Variants in STS observed in about 807,000 individuals in gnomAD.
STS encodes steryl-sulfatase.
Under a neutral mutation model 26.8 loss-of-function variants are expected in STS, and 7 were observed. That is an observed-to-expected ratio of 0.26 (90% confidence interval 0.15 to 0.49). The LOEUF (loss-of-function observed/expected upper bound fraction) is 0.49. Among genes scored for constraint, STS ranks in the 20% least tolerant of loss-of-function variants. The pLI, the probability that STS is intolerant of heterozygous loss-of-function variation, is 0.98. For missense variants in STS, 434 were observed against 465.6 expected, an observed-to-expected ratio of 0.93 and a Z score of 0.63; for synonymous variants, 199 against 189.4, an observed-to-expected ratio of 1.05 and a Z score of -0.42.
chrX:7,335,426 A>G (rs1321043591), intron 10 of STS, among the ~76,000 whole-genome samples: 9 of 111,976 alleles, frequency 8.0e-5, no homozygotes, highest in Admixed American at 4.7e-4. Context: ...GTGTCTGTTC[A>G]TGTCCTTTGC....
chrX:7,264,661 C>G (rs770190018), intron 6 of STS, among the ~76,000 whole-genome samples: 4 of 112,217 alleles, frequency 3.6e-5, no homozygotes, highest in Non-Finnish European at 7.5e-5. Flanking sequence ...AAGATGAACT[C>G]TAGGGACTGT....
chrX:7,341,186 T>C (rs1234314730), intron 10 of STS, among the ~76,000 whole-genome samples: 1 of 111,959 alleles, frequency 8.9e-6, no homozygotes, highest in African/African-American at 3.2e-5. Context: ...CACCATTTGC[T>C]TTTGAGTCTG....
At chrX:7,289,157 C>T (rs1382486065) in intron 7 of STS, among the ~76,000 whole-genome samples, 2 of 111,358 alleles carry the variant, frequency 1.8e-5, no homozygotes, top group Non-Finnish European at 3.8e-5. Context: ...CTGGGAGCTG[C>T]TGATGGCTTC....
intron 1 of STS, among the ~76,000 whole-genome samples, chrX:7,188,769 A>G: frequency 9.0e-6 from 1 of 111,630 alleles, no homozygotes; most frequent in East Asian, 2.8e-4. Flanking sequence ...AAAAAAGGAA[A>G]ATAATGACCT....
At chrX:7,197,145 G>C (rs1675806709) in intron 2 of STS, among the ~76,000 whole-genome samples, 1 of 111,668 alleles carries the variant, frequency 9.0e-6, no homozygotes, top group Admixed American at 9.5e-5. Context: ...CTTCCAGTAG[G>C]CTTCCTTCCT....
chrX:7,324,422 A>G (rs942521010), intron 8 of STS, among the ~76,000 whole-genome samples: 1 of 111,629 alleles, frequency 9.0e-6, no homozygotes, highest in Non-Finnish European at 1.9e-5. Context: ...TCTCTCCCGG[A>G]TCAGGGAGAA....
intron 6 of STS, among the ~76,000 whole-genome samples, chrX:7,266,804 T>G (rs1924029752): frequency 8.9e-6 from 1 of 112,200 alleles, no homozygotes; most frequent in Admixed American, 9.5e-5. Context: ...CAGATCCAAC[T>G]TAGGTGCACA....
chrX:7,323,990 C>T (rs771434039), intron 8 of STS, among the ~76,000 whole-genome samples: 9 of 111,775 alleles, frequency 8.1e-5, no homozygotes, highest in Non-Finnish European at 1.5e-4. Flanking sequence ...CTCTGTAAAA[C>T]GTTTGAAGAG....
intron 1 of STS, among the ~76,000 whole-genome samples, chrX:7,162,234 C>G (rs1933258555): frequency 9.0e-6 from 1 of 111,584 alleles, no homozygotes; most frequent in Non-Finnish European, 1.9e-5. Context: ...TTCCCCAGTG[C>G]CCCAGGGACA....
At chrX:7,167,853 A>G (rs1168976028) in intron 1 of STS, among the ~76,000 whole-genome samples, 4 of 108,632 alleles carry the variant, frequency 3.7e-5, no homozygotes, top group African/African-American at 1.3e-4. Context: ...ATGCCTGGCT[A>G]ATTTTTTTTT....
intron 2 of STS, among the ~76,000 whole-genome samples, chrX:7,235,046 G>A (rs746221271): frequency 3.0e-4 from 33 of 111,674 alleles, no homozygotes; most frequent in African/African-American, 7.2e-4. Flanking sequence ...GTTTAGGACC[G>A]CTATGGGACA....
rs1475846701 is a variant in STS at position 7,291,557 on chromosome X, G to A, written c.944-13489G>A. Among the ~76,000 whole-genome samples the A allele has an allele frequency of 2.7e-5, 3 of 111,994 alleles. No individual in the cohort carries two copies. The East Asian group carries it at 8.4e-4, about 31-fold the overall frequency. On this transcript the variant is annotated intron_variant, in intron 7 of 10. Transcript: ENST00000674429. Reference sequence around the variant, plus strand: ...ACAGAACAAACCTCTGCTGTTTCTGGCGTTACCTTAGTGCCTGCCATACTT... The same window carrying A: ...ACAGAACAAACCTCTGCTGTTTCTGACGTTACCTTAGTGCCTGCCATACTT...
Position 7,257,371 on chromosome X carries a change from C to T in STS, c.259+8C>T. 4 of 1,210,062 alleles carry T rather than the reference C, an allele frequency of 3.3e-6. No individual in the cohort carries two copies. The highest frequency in any genetic ancestry group is 4.5e-6 in the Non-Finnish European group (4 of 893,846). ...GGTACCCTGTCCGATCAGGTAACCT[C>T]CTATCTGCATCGCAGGGGCTGTGGT... On this transcript the variant is annotated splice_region_variant and intron_variant, in intron 4 of 10. Transcript: ENST00000674429.
intron 1 of STS, among the ~76,000 whole-genome samples, chrX:7,186,544 T>G (rs923495548): frequency 9.0e-6 from 1 of 111,481 alleles, no homozygotes; most frequent in East Asian, 2.8e-4. Flanking sequence ...CAGTAAAGGG[T>G]TACAACCTCA....
chrX:7,195,998 T>C (rs1445790171), intron 2 of STS, among the ~76,000 whole-genome samples: 1 of 112,596 alleles, frequency 8.9e-6, no homozygotes, highest in East Asian at 2.8e-4. Flanking sequence ...TTTCTTTAGC[T>C]GAATTATTGC....
chrX:7,324,113 A>G (rs1391597196), intron 8 of STS, among the ~76,000 whole-genome samples: 1 of 110,053 alleles, frequency 9.1e-6, no homozygotes, highest in Non-Finnish European at 1.9e-5. Flanking sequence ...GCATTAGTCA[A>G]TATATGTAAG....
At chrX:7,197,182 G>A (rs754491686) in intron 2 of STS, among the ~76,000 whole-genome samples, 7 of 111,709 alleles carry the variant, frequency 6.3e-5, no homozygotes, top group Non-Finnish European at 1.1e-4. Flanking sequence ...TGACCACTCC[G>A]TGCTCCAGGC....
chrX:7,317,246 C>T (rs950113019), intron 8 of STS, among the ~76,000 whole-genome samples: 2 of 109,886 alleles, frequency 1.8e-5, no homozygotes, highest in Non-Finnish European at 3.8e-5. Flanking sequence ...TTTCTCTGCT[C>T]ATAAATTTTC....
intron 2 of STS, among the ~76,000 whole-genome samples, chrX:7,210,461 A>G (rs1282312766): frequency 9.3e-6 from 1 of 107,855 alleles, no homozygotes; most frequent in Non-Finnish European, 1.9e-5. Flanking sequence ...CAATTATACA[A>G]TATAAATGTT....
Sources: allele counts gnomAD v4.1 joint callset (sites outside exome capture counted in the v4.1 genomes callset), GRCh38; gene constraint gnomAD v4.1.1; transcripts MANE v1.5; gene names NCBI Gene and HGNC (gene_info 2026-07-23, HGNC 2026-07-21).